Variants in RASSF3 observed in about 807,000 individuals in gnomAD.
The protein encoded by RASSF3 is ras association domain-containing protein 3.
Under a neutral mutation model 19.9 loss-of-function variants are expected in RASSF3, and 19 were observed. The observed-to-expected ratio is 0.96, with a 90% CI of 0.67 to 1.40. The LOEUF (loss-of-function observed/expected upper bound fraction) is 1.40. Ranked by LOEUF, RASSF3 falls within the 40% of genes most tolerant of loss-of-function variation. RASSF3 has a pLI of 0.00. For missense variants in RASSF3, 306 were observed against 289.8 expected (o/e 1.06, Z -0.41); for synonymous variants, 110 against 104.2 (o/e 1.06, Z -0.34).
At chr12:64,546,681 GGT>G (rs1245167207), downstream of RASSF3, among the ~76,000 whole-genome samples, 4 of 152,088 alleles carry the variant, frequency 2.6e-5, no homozygotes, top group African/African-American at 7.2e-5. Flanking sequence ...TAAATGCAAT[GGT>G]TCTCAAGTCA....
At position 64,678,648 on chromosome 12, in the gene RASSF3, C is replaced by CAAAAAAAAAAA. The variant is rs767180678; in HGVS notation, c.112-6132_112-6122dup. On this transcript the variant is annotated intron_variant, in intron 1 of 4. Coordinates refer to ENST00000542104, the MANE Select transcript of RASSF3 (RefSeq NM_178169.4). The stretch of plus-strand genomic sequence containing the variant: ...TATTTTTTAAAGAGATCCGTAATAC[C>CAAAAAAAAAAA]AAAAAAAAAAAAAAAAACCAAACAA... Among the ~76,000 whole-genome samples the CAAAAAAAAAAA allele has an allele frequency of 6.7e-4, 61 of 90,868 alleles. No homozygotes were observed. The East Asian group carries it at 0.014, about 21-fold the overall frequency. The allele number at this position is 90,868 out of a possible 152,430, so 59.6% of individuals were successfully genotyped here. A position where few individuals can be genotyped will look rare whatever the true frequency, so the allele number is the denominator to read the frequency against.
chr12:64,666,576 G>A (rs1001515584), intron 1 of RASSF3, among the ~76,000 whole-genome samples: 2 of 152,152 alleles, frequency 1.3e-5, no homozygotes, highest in African/African-American at 2.4e-5. Context: ...TGGATAACAC[G>A]TTTGATGGGT....
At chr12:64,551,460 C>T (rs1424023101) in intron 2 of RASSF3, among the ~76,000 whole-genome samples, 1 of 152,016 alleles carries the variant, frequency 6.6e-6, no homozygotes, top group African/African-American at 2.4e-5. Context: ...CCTGTAGTCC[C>T]AGCTACTTAG....
chr12:64,571,558 A>G (rs1414208832), intron 2 of RASSF3, among the ~76,000 whole-genome samples: 1 of 152,086 alleles, frequency 6.6e-6, no homozygotes. Context: ...ATCATTCAGC[A>G]TTCTCCTTTG....
chr12:64,530,504 G>A (rs1868685948), upstream of RASSF3, among the ~76,000 whole-genome samples: 1 of 151,938 alleles, frequency 6.6e-6, no homozygotes, highest in Non-Finnish European at 1.5e-5. Context: ...CCACTTTTAG[G>A]TTATTGAAAA....
chr12:64,551,151 C>T (rs1869153555), intron 2 of RASSF3, among the ~76,000 whole-genome samples: 1 of 152,164 alleles, frequency 6.6e-6, no homozygotes, highest in African/African-American at 2.4e-5. Flanking sequence ...TTTACAGTAC[C>T]AGACATGTAC....
chr12:64,626,272 C>T (rs1320678567), intron 1 of RASSF3, among the ~76,000 whole-genome samples: 3 of 151,972 alleles, frequency 2.0e-5, no homozygotes, highest in South Asian at 2.1e-4. Flanking sequence ...TGGTGGCTCA[C>T]GCCTGTAATC....
At chr12:64,690,516 C>T (rs1251821962) in intron 3 of RASSF3, among the ~76,000 whole-genome samples, 1 of 152,048 alleles carries the variant, frequency 6.6e-6, no homozygotes, top group Non-Finnish European at 1.5e-5. Flanking sequence ...TACTCTGTCA[C>T]CTAGGCTGGA....
intron 2 of RASSF3, among the ~76,000 whole-genome samples, chr12:64,547,413 A>G (rs1869084735): frequency 6.6e-6 from 1 of 152,040 alleles, no homozygotes; most frequent in Non-Finnish European, 1.5e-5. Context: ...CTAAAAATAC[A>G]AAAATTAACT....
intron 1 of RASSF3, among the ~76,000 whole-genome samples, chr12:64,538,915 G>T (rs1868886183): frequency 6.6e-6 from 1 of 152,000 alleles, no homozygotes; most frequent in South Asian, 2.1e-4. Flanking sequence ...GCCTGGTGGT[G>T]CATGCCTATA....
chr12:64,521,330 G>A (rs1373927383), intron 1 of RASSF3, among the ~76,000 whole-genome samples: 1 of 152,190 alleles, frequency 6.6e-6, no homozygotes, highest in African/African-American at 2.4e-5. Flanking sequence ...GGAGAAAGAG[G>A]CCCAAAGTTC....
chr12:64,565,647 A>G (rs529583368), intron 2 of RASSF3, among the ~76,000 whole-genome samples: 1 of 152,322 alleles, frequency 6.6e-6, no homozygotes, highest in South Asian at 2.1e-4. Flanking sequence ...TGGGAGGCGG[A>G]GGTTGCAGTG....
chr12:64,647,855 A>G (rs1323686484), intron 1 of RASSF3, among the ~76,000 whole-genome samples: 1 of 152,094 alleles, frequency 6.6e-6, no homozygotes, highest in African/African-American at 2.4e-5. Flanking sequence ...CAGCCTCCCA[A>G]GGTTGTTTTT....
intron 1 of RASSF3, among the ~76,000 whole-genome samples, chr12:64,528,177 G>A (rs568221558): frequency 3.3e-5 from 5 of 152,306 alleles, no homozygotes; most frequent in African/African-American, 1.2e-4. Flanking sequence ...GGAAGCTGAA[G>A]TGAGAGGATC....
intron 1 of RASSF3, among the ~76,000 whole-genome samples, chr12:64,647,898 G>A (rs1871798430): frequency 6.6e-6 from 1 of 152,176 alleles, no homozygotes; most frequent in Non-Finnish European, 1.5e-5. Flanking sequence ...TAGAATAAAT[G>A]AGAAATAGGT....
chr12:64,580,667 C>G (rs1869679958), intron 2 of RASSF3, among the ~76,000 whole-genome samples: 2 of 151,548 alleles, frequency 1.3e-5, no homozygotes, highest in Non-Finnish European at 2.9e-5. Context: ...AAGCCCAAAT[C>G]AAGGTGTCAA....
downstream of RASSF3, among the ~76,000 whole-genome samples, chr12:64,544,098 A>G (rs930691171): frequency 6.6e-6 from 1 of 152,098 alleles, no homozygotes; most frequent in Non-Finnish European, 1.5e-5. Context: ...CGTTCCGCAC[A>G]GTTCTTTAGG....
intron 2 of RASSF3, among the ~76,000 whole-genome samples, chr12:64,547,270 TAAA>T (rs79967837): frequency 1.3e-4 from 16 of 127,470 alleles, no homozygotes; most frequent in Non-Finnish European, 1.6e-4. Context: ...AGACTTGATC[TAAA>T]AAAAAAAAAA....
chr12:64,667,406 A>T (rs1038742108), intron 1 of RASSF3, among the ~76,000 whole-genome samples: 3 of 152,048 alleles, frequency 2.0e-5, no homozygotes, highest in African/African-American at 7.3e-5. Context: ...GGCTTACTGT[A>T]GCCTCTGCCT....
Sources: gnomAD v4.1 joint callset for allele counts (sites outside exome capture counted in the v4.1 genomes callset) on GRCh38, gnomAD v4.1.1 for gene constraint, MANE v1.5 for transcripts, NCBI Gene and HGNC (gene_info 2026-07-23, HGNC 2026-07-21) for gene names.